The following KANSL1L variants were observed in gnomAD, a reference collection of about 807,000 sequenced individuals.
The protein encoded by KANSL1L is KAT8 regulatory NSL complex subunit 1-like protein.
In KANSL1L, 25 loss-of-function variants were observed where a neutral mutation model predicts 108.6. That is an observed-to-expected ratio of 0.23 (90% confidence interval 0.17 to 0.32). The LOEUF is 0.32. Ranked by LOEUF, KANSL1L falls within the 10% of genes least tolerant of loss-of-function variation. KANSL1L has a pLI of 1.00. For missense variants in KANSL1L, 1,137 were observed against 1,125.7 expected, an observed-to-expected ratio of 1.01 and a Z score of -0.14; for synonymous variants, 405 against 395.1, an observed-to-expected ratio of 1.03 and a Z score of -0.30.
At chr2:210,026,931 C>T (rs1179361093) in intron 12 of KANSL1L, among the ~76,000 whole-genome samples, 1 of 151,854 alleles carries the variant, frequency 6.6e-6, no homozygotes, top group African/African-American at 2.4e-5. Flanking sequence ...CCACCACGCC[C>T]GACTAATTTT....
rs1286118629 is a variant in KANSL1L at position 210,022,488 on chromosome 2, T to C, written c.*461A>G. 2 of 162,682 alleles carry C rather than the reference T, an allele frequency of 1.2e-5. No individual in the cohort carries two copies. The highest frequency in any genetic ancestry group is 4.8e-5 in the African/African-American group (2 of 41,460). 10.1% of individuals were successfully genotyped at this position (162,682 alleles called of 1,614,324 possible). Reference sequence around the variant, plus strand: ...TAAAAACTACATAGGGGTGTGTGTGTGTGTGTATGTTTATTTTATACACAC... The same window carrying C: ...TAAAAACTACATAGGGGTGTGTGTGCGTGTGTATGTTTATTTTATACACAC... On this transcript the variant is annotated 3_prime_UTR_variant, in exon 15 of 15. Coordinates refer to ENST00000281772, the MANE Select transcript of KANSL1L (RefSeq NM_152519.4).
chr2:210,108,676 C>T (rs1425106628), intron 3 of KANSL1L, among the ~76,000 whole-genome samples: 2 of 151,156 alleles, frequency 1.3e-5, no homozygotes, highest in Admixed American at 6.6e-5. Flanking sequence ...AGAGATTATG[C>T]GGTGATCTTG....
chr2:210,160,182 T>C (rs1397682951), intron 1 of KANSL1L, among the ~76,000 whole-genome samples: 1 of 152,228 alleles, frequency 6.6e-6, no homozygotes, highest in East Asian at 1.9e-4. Context: ...AGAGGGAATG[T>C]CTTTAATCTG....
intron 1 of KANSL1L, among the ~76,000 whole-genome samples, chr2:210,157,244 T>A (rs2095338812): frequency 6.6e-6 from 1 of 152,164 alleles, no homozygotes; most frequent in African/African-American, 2.4e-5. Flanking sequence ...TACTAAACTT[T>A]ATCTCCCACA....
chr2:210,140,945 C>A (rs1436843481), intron 2 of KANSL1L, among the ~76,000 whole-genome samples: 1 of 152,060 alleles, frequency 6.6e-6, no homozygotes, highest in Non-Finnish European at 1.5e-5. Flanking sequence ...AGAAATAATA[C>A]AGATCTTTGT....
intron 5 of KANSL1L, chr2:210,096,504 TCA>T (rs1404850306): frequency 1.0e-6 from 1 of 984,876 alleles, no homozygotes; most frequent in African/African-American, 1.7e-5. Context: ...AAATGAAAAT[TCA>T]CAAACACATG....
intron 5 of KANSL1L, among the ~76,000 whole-genome samples, chr2:210,090,367 A>G (rs2125381968): frequency 6.6e-6 from 1 of 152,262 alleles, no homozygotes; most frequent in South Asian, 2.1e-4. Flanking sequence ...TTAAGATAAT[A>G]TTATTGTAGA....
intron 3 of KANSL1L, among the ~76,000 whole-genome samples, chr2:210,117,555 C>T (rs2094966119): frequency 6.6e-6 from 1 of 152,068 alleles, no homozygotes; most frequent in South Asian, 2.1e-4. Context: ...GCAGACTTCT[C>T]AGGGGAAACC....
chr2:210,090,969 CTAAT>C (rs2094688570), intron 5 of KANSL1L, among the ~76,000 whole-genome samples: 1 of 152,120 alleles, frequency 6.6e-6, no homozygotes, highest in Non-Finnish European at 1.5e-5. Context: ...AAATTCACAA[CTAAT>C]TTTCAGGTCA....
intron 3 of KANSL1L, among the ~76,000 whole-genome samples, chr2:210,108,413 G>A (rs1333429216): frequency 6.6e-6 from 1 of 152,084 alleles, no homozygotes. Flanking sequence ...TTGCAATCAA[G>A]CTTTTAAAAG....
At chr2:210,099,177 C>T (rs917241228) in intron 4 of KANSL1L, among the ~76,000 whole-genome samples, 1 of 152,108 alleles carries the variant, frequency 6.6e-6, no homozygotes, top group East Asian at 1.9e-4. Context: ...GTACATTCAA[C>T]ATGAACACAT....
chr2:210,041,016 T>C (rs977290237), intron 7 of KANSL1L, among the ~76,000 whole-genome samples: 20 of 152,198 alleles, frequency 1.3e-4, no homozygotes. Context: ...ATAAGTCAGA[T>C]GCAACCTTTT....
chr2:210,152,470 G>A (rs2095310037), intron 2 of KANSL1L: 2 of 152,136 alleles, frequency 1.3e-5, no homozygotes. Flanking sequence ...GGTCTGTAGT[G>A]TTATCACGGT....
chr2:210,029,176 G>A (rs2093980255), intron 10 of KANSL1L: 5 of 490,632 alleles, frequency 1.0e-5, no homozygotes, highest in African/African-American at 6.1e-5. Context: ...CTTGGTAGAT[G>A]TGTAATGTGT....
At chr2:210,096,757 A>G (rs1156867392) in intron 5 of KANSL1L, 1 of 955,194 alleles carries the variant, frequency 1.0e-6, no homozygotes, top group Non-Finnish European at 1.2e-6. Context: ...AACATGTTTT[A>G]TCACTGATAT....
At position 210,153,828 on chromosome 2, in the gene KANSL1L, T is replaced by C. The variant is rs965699379; in HGVS notation, c.755A>G (p.His252Arg). The change falls in exon 2 of 15, where the codon CAT becomes CGT. Residue 252 changes from histidine to arginine, a missense_variant. His to Arg is a conservative substitution (Grantham distance 29). This residue lies in a region of KANSL1L where 556 missense variants were observed against 537.7 expected (regional missense o/e 1.03). Coordinates refer to ENST00000281772, the MANE Select transcript of KANSL1L (RefSeq NM_152519.4). ...CTGCTGACCATAGTGCTTAACAACA[T>C]GCTTTGCCAGGAGCATCTGCAAATG... Reference protein sequence around the residue: ...QKHLQMLLAKHVVKHYGQQMK... With the variant: ...QKHLQMLLAKRVVKHYGQQMK... 1.9e-6 allele frequency: 3 copies of C among 1,612,890 alleles called. No homozygotes were observed. In the African/African-American group the frequency reaches 4.0e-5, roughly 22 times the overall value.
Position 210,024,115 on chromosome 2 carries a change from G to T in KANSL1L, c.2651C>A (p.Ala884Glu). The T allele has an allele frequency of 6.2e-7, 1 of 1,609,320 alleles. No homozygotes were observed. The change falls in exon 14 of 15, where the codon GCA becomes GAA. Residue 884 changes from alanine (A) to glutamate (E), a missense_variant. Ala to Glu is a moderately radical substitution (Grantham distance 107). This residue lies in a region of KANSL1L where 575 missense variants were observed against 567.1 expected (regional missense o/e 1.01). Transcript: ENST00000281772. ...NFSSSQQCAA[A>E]SPPGLPSENQ... ...CTCTGAAGGAAGCCCAGGAGGACTT[G>T]CAGCAGCACATTGCTGACTGCTACT...
intron 6 of KANSL1L, among the ~76,000 whole-genome samples, chr2:210,068,708 T>C (rs1335015769): frequency 6.6e-6 from 1 of 152,230 alleles, no homozygotes; most frequent in Admixed American, 6.5e-5. Context: ...TTTTGTCTCG[T>C]CTTTGCCCCT....
chr2:210,131,620 T>C (rs762827329), intron 2 of KANSL1L, among the ~76,000 whole-genome samples: 1 of 152,112 alleles, frequency 6.6e-6, no homozygotes, highest in Non-Finnish European at 1.5e-5. Context: ...CTAGACTAAA[T>C]TATACTAATA....
Sources: allele counts gnomAD v4.1 joint callset (sites outside exome capture counted in the v4.1 genomes callset), GRCh38; gene constraint gnomAD v4.1.1; regional missense constraint gnomAD v4.1.1; transcripts MANE v1.5; gene names NCBI Gene and HGNC (gene_info 2026-07-23, HGNC 2026-07-21).